The following QRICH1 variants were observed in gnomAD, a reference collection of about 807,000 sequenced individuals.
QRICH1 encodes the protein transcriptional regulator QRICH1.
A neutral mutation model predicts 87.1 loss-of-function variants in QRICH1; 16 were observed. That is an observed-to-expected ratio of 0.18 (90% CI 0.12 to 0.28). The LOEUF is 0.28. Among genes scored for constraint, QRICH1 ranks in the 10% least tolerant of loss-of-function variants. The pLI, the probability that QRICH1 is intolerant of heterozygous loss-of-function variation, is 1.00. For synonymous variants in QRICH1, 367 were observed against 368.4 expected, an observed-to-expected ratio of 1.00 and a Z score of 0.05; for missense variants, 647 against 951.7, an observed-to-expected ratio of 0.68 and a Z score of 4.21.
chr3:49,091,338 G>A (rs989710215), intron 1 of QRICH1, among the ~76,000 whole-genome samples: 1 of 151,952 alleles, frequency 6.6e-6, no homozygotes, highest in African/African-American at 2.4e-5. Flanking sequence ...TTAAAAAGCA[G>A]ACAAGAAAGA....
intron 6 of QRICH1, among the ~76,000 whole-genome samples, chr3:49,043,913 G>A (rs1250999663): frequency 1.3e-5 from 2 of 152,206 alleles, no homozygotes; most frequent in African/African-American, 2.4e-5. Context: ...GCTGAGGTAG[G>A]AGGATCGCTT....
At chr3:49,088,998 G>A (rs2042222466) in intron 1 of QRICH1, among the ~76,000 whole-genome samples, 1 of 151,816 alleles carries the variant, frequency 6.6e-6, no homozygotes. Context: ...CCATTTATAT[G>A]CCCCATGCCA....
chr3:49,031,254 C>G (rs955990159), intron 9 of QRICH1, among the ~76,000 whole-genome samples: 1 of 152,128 alleles, frequency 6.6e-6, no homozygotes, highest in African/African-American at 2.4e-5. Flanking sequence ...TCCCAAAGTG[C>G]TTGGATTACA....
intron 3 of QRICH1, among the ~76,000 whole-genome samples, chr3:49,048,101 G>A (rs2093348890): frequency 1.3e-5 from 2 of 151,076 alleles, no homozygotes; most frequent in African/African-American, 2.4e-5. Flanking sequence ...ATTGAAAAGG[G>A]TAGGAACTGA....
At chr3:49,076,114 G>A (rs188271754) in intron 2 of QRICH1, among the ~76,000 whole-genome samples, 1 of 151,656 alleles carries the variant, frequency 6.6e-6, no homozygotes, top group Non-Finnish European at 1.5e-5. Context: ...GTGTTGGCAG[G>A]CACCTGGAAT....
chr3:49,057,314 T>G lies in QRICH1; in HGVS notation c.886A>C (p.Ser296Arg), dbSNP rs766342623. The G allele has an allele frequency of 6.2e-7, 1 of 1,614,224 alleles. No homozygotes were observed. The highest frequency in any genetic ancestry group is 1.7e-5 in the Admixed American group (1 of 60,012). The change falls in exon 3 of 10, where the codon AGT becomes CGT. Residue 296 changes from serine (S) to arginine (R), a missense_variant. Ser to Arg is a moderately radical substitution (Grantham distance 110, BLOSUM62 -1). This residue lies in a region of QRICH1 where 75 missense variants were observed against 141.0 expected (regional missense o/e 0.53). Transcript: ENST00000395443. The surrounding 1 kb of genome is among the most constrained non-coding windows in gnomAD (Gnocchi z 5.4). ...GGGCTAGTAATGGTCCCAGTGGCAC[T>G]GTACAGGTGGGCACTGTCTACTGTC... ...LLTVDSAHLY[S>R]ATGTITSPTG...
chr3:49,050,248 C>CAAAAAAAAAAAAAAAAAAAAA (rs527597101), intron 3 of QRICH1, among the ~76,000 whole-genome samples: 22 of 52,414 alleles, frequency 4.2e-4, no homozygotes, highest in Non-Finnish European at 5.7e-4. Flanking sequence ...GACTCCGTCT[C>CAAAAAAAAAAAAAAAAAAAAA]AAAAAAAAAA....
In QRICH1 at chr3:49,056,869, G is replaced by GT; in HGVS notation, c.1330dup (p.Thr444AsnfsTer11). 1 of 1,614,190 alleles carries GT rather than the reference G, an allele frequency of 6.2e-7. No individual in the cohort carries two copies. ...TGATAAGTCTTCACTTACTGAACAA[G>GT]TAACTTGGAGTTGCTGCTGCTGCTG... On this transcript the variant is annotated frameshift_variant, in exon 3 of 10. Coordinates refer to ENST00000395443, the MANE Select transcript of QRICH1 (RefSeq NM_198880.3). LOFTEE classifies it high-confidence loss of function.
At chr3:49,045,476 A>C (rs1486502757) in intron 5 of QRICH1, among the ~76,000 whole-genome samples, 6 of 152,192 alleles carry the variant, frequency 3.9e-5, no homozygotes, top group Admixed American at 2.0e-4. Flanking sequence ...TGTAGACCAG[A>C]TTGAAGTGTG....
upstream of QRICH1, chr3:49,094,288 T>C: frequency 2.7e-6 from 1 of 364,692 alleles, no homozygotes; most frequent in Non-Finnish European, 4.9e-6. Flanking sequence ...CTTGGCCTAG[T>C]AGTGGAGTCT....
chr3:49,074,359 T>G (rs908029202), intron 2 of QRICH1, among the ~76,000 whole-genome samples: 2 of 151,536 alleles, frequency 1.3e-5, no homozygotes, highest in Non-Finnish European at 2.9e-5. Flanking sequence ...GATCATGAGG[T>G]CAGGAGATCG....
intron 3 of QRICH1, among the ~76,000 whole-genome samples, chr3:49,050,511 C>T (rs2093364495): frequency 6.6e-6 from 1 of 151,734 alleles, no homozygotes; most frequent in Admixed American, 6.6e-5. Context: ...CACCCAAAGC[C>T]CTAGTTTCGC....
chr3:49,076,127 C>T (rs1327232188), intron 2 of QRICH1, among the ~76,000 whole-genome samples: 2 of 152,112 alleles, frequency 1.3e-5, no homozygotes, highest in Non-Finnish European at 2.9e-5. Context: ...CCTGGAATCC[C>T]AGCTACTCAG....
At chr3:49,056,794 G>A in intron 3 of QRICH1, 68 bp downstream of exon 3, 1 of 1,609,160 alleles carries the variant, frequency 6.2e-7, no homozygotes, top group South Asian at 1.1e-5. Context: ...AGGTTGCGAG[G>A]CAAGCTCTGT....
intron 6 of QRICH1, among the ~76,000 whole-genome samples, chr3:49,035,440 C>T (rs546366507): frequency 2.6e-5 from 4 of 152,282 alleles, no homozygotes; most frequent in African/African-American, 9.6e-5. Context: ...TGTTCCACTT[C>T]TCTGGGTTCG....
At chr3:49,081,650 A>T (rs2042062391) in intron 1 of QRICH1, among the ~76,000 whole-genome samples, 2 of 152,068 alleles carry the variant, frequency 1.3e-5, no homozygotes, top group Admixed American at 6.6e-5. Context: ...ACAGGCGTGT[A>T]CCATCACGCC....
chr3:49,092,649 G>C (rs1400704858), intron 1 of QRICH1, among the ~76,000 whole-genome samples: 1 of 152,020 alleles, frequency 6.6e-6, no homozygotes, highest in African/African-American at 2.4e-5. Context: ...AATCAAACTA[G>C]CAGATGTTTT....
chr3:49,046,279 C>G, intron 5 of QRICH1, 146 bp downstream of exon 5: 1 of 529,088 alleles, frequency 1.9e-6, no homozygotes, highest in Non-Finnish European at 2.8e-6. Context: ...AAAAAAAAAA[C>G]AACAAATGTG....
At chr3:49,071,573 C>T (rs1559947600) in intron 2 of QRICH1, among the ~76,000 whole-genome samples, 1 of 152,132 alleles carries the variant, frequency 6.6e-6, no homozygotes, top group Non-Finnish European at 1.5e-5. Context: ...GTCTGTCCAA[C>T]ATGGTGAATG....
Sources: allele counts gnomAD v4.1 joint callset (sites outside exome capture counted in the v4.1 genomes callset), GRCh38; gene constraint gnomAD v4.1.1; regional missense constraint gnomAD v4.1.1; non-coding constraint Gnocchi (gnomAD v3.1); transcripts MANE v1.5; gene names NCBI Gene and HGNC (gene_info 2026-07-23, HGNC 2026-07-21).